Variants in ABHD12 observed in about 807,000 individuals in gnomAD.
ABHD12 encodes the protein abhydrolase domain containing 12, lysophospholipase.
A neutral mutation model predicts 58.3 loss-of-function variants in ABHD12; 43 were observed. The ratio of observed to expected loss-of-function variants is 0.74; its 90% CI spans 0.58 to 0.95. The LOEUF is 0.95. Among genes scored for constraint, ABHD12 ranks in the 40% least tolerant of loss-of-function variants. The pLI is 0.00. For synonymous variants in ABHD12, 219 were observed against 211.2 expected (o/e 1.04, Z -0.32); for missense variants, 539 against 537.2 (o/e 1.00, Z -0.03).
intron 1 of ABHD12, among the ~76,000 whole-genome samples, chr20:25,377,456 G>C (rs1009705945): frequency 6.6e-6 from 1 of 152,176 alleles, no homozygotes; most frequent in Admixed American, 6.5e-5. Context: ...CCAAGGTCAA[G>C]GGGCCATATC....
intron 7 of ABHD12, among the ~76,000 whole-genome samples, chr20:25,309,173 C>T (rs904705204): frequency 1.3e-5 from 2 of 152,150 alleles, no homozygotes; most frequent in Admixed American, 6.5e-5. Context: ...GCTCTGAAGA[C>T]GCTTCTTCCT....
intron 12 of ABHD12, among the ~76,000 whole-genome samples, 167 bp from the exon 13 acceptor site, chr20:25,301,051 AG>A (rs1172943074): frequency 1.3e-5 from 2 of 152,240 alleles, no homozygotes; most frequent in East Asian, 1.9e-4. Context: ...TGAGTTAGGC[AG>A]GGAACAAGCA....
rs752143823 is a variant in ABHD12 at position 25,317,088 on chromosome 20, A to G, written c.543-10T>C. 2.1e-5 allele frequency: 34 copies of G among 1,609,866 alleles called. No individual in the cohort carries two copies. Among genetic ancestry groups the G allele is most frequent in the Non-Finnish European group, 2.9e-5 (34 of 1,176,872 alleles). ...GCGGTGGTCGCCTCCTCTGGAGAAG[A>G]AAACAGGACATGGTGTGAGCACATC... On this transcript the variant is annotated splice_polypyrimidine_tract_variant and intron_variant, in intron 4 of 12. Coordinates refer to ENST00000339157, the MANE Select transcript of ABHD12 (RefSeq NM_001042472.3).
At chr20:25,334,916 C>T (rs1427512122) in intron 2 of ABHD12, among the ~76,000 whole-genome samples, 4 of 151,592 alleles carry the variant, frequency 2.6e-5, no homozygotes, top group Admixed American at 6.6e-5. Context: ...ATGTCTAAAA[C>T]ACCAAAAGCA....
At chr20:25,339,668 C>G (rs150249616) in intron 1 of ABHD12, 116 of 1,386,976 alleles carry the variant, frequency 8.4e-5, no homozygotes, top group Non-Finnish European at 1.0e-4. Flanking sequence ...CCATGCCCCC[C>G]ACCTGACATC....
At chr20:25,382,742 A>G (rs1309509660) in intron 1 of ABHD12, among the ~76,000 whole-genome samples, 2 of 152,184 alleles carry the variant, frequency 1.3e-5, no homozygotes, top group Non-Finnish European at 2.9e-5. Context: ...CAAAGTCACC[A>G]TAGAAGGCGG....
At chr20:25,390,220 G>C in intron 1 of ABHD12, 1 of 295,598 alleles carries the variant, frequency 3.4e-6, no homozygotes, top group Non-Finnish European at 6.2e-6. Flanking sequence ...CGGCTTCCCC[G>C]GGAAAGGGTC....
intron 8 of ABHD12, 152 bp from the exon 9 acceptor site, chr20:25,308,197 G>T: frequency 1.3e-6 from 1 of 749,044 alleles, no homozygotes; most frequent in East Asian, 2.5e-5. Flanking sequence ...AGCACCAGGG[G>T]TGCCCGCCAG....
chr20:25,312,603 C>T (rs1465135959), intron 6 of ABHD12, among the ~76,000 whole-genome samples: 7 of 152,312 alleles, frequency 4.6e-5, no homozygotes, highest in South Asian at 2.1e-4. Context: ...GCCGCCACCC[C>T]GTCTGGGAAG....
At chr20:25,321,956 T>C (rs1249948665) in intron 3 of ABHD12, among the ~76,000 whole-genome samples, 1 of 152,214 alleles carries the variant, frequency 6.6e-6, no homozygotes, top group Non-Finnish European at 1.5e-5. Flanking sequence ...TGTTCTCTCA[T>C]CCACACTGGG....
intron 5 of ABHD12, 92 bp from the exon 6 acceptor site, chr20:25,315,062 T>G: frequency 3.0e-6 from 4 of 1,317,094 alleles, no homozygotes; most frequent in Non-Finnish European, 3.3e-6. Context: ...CAACTTTCTC[T>G]CCTCTGCCTT....
At chr20:25,358,901 G>A (rs1243544271) in intron 1 of ABHD12, among the ~76,000 whole-genome samples, 1 of 151,956 alleles carries the variant, frequency 6.6e-6, no homozygotes. Context: ...AGAATATAGT[G>A]GTTTTACAGC....
chr20:25,356,809 G>T (rs565641633), intron 1 of ABHD12, among the ~76,000 whole-genome samples: 2 of 152,320 alleles, frequency 1.3e-5, no homozygotes, highest in African/African-American at 4.8e-5. Flanking sequence ...GAAATGCTTA[G>T]CGAGGCAGGC....
Position 25,316,157 on chromosome 20 carries a change from TTTCC to T in ABHD12, c.573+887_573+890del, listed in dbSNP as rs2088957593. ...AGCACCTGGAGCACCTGGTTTCTCT[TTTCC>T]TTTTTTTTTGTTTTTTGAGACGGAG... On this transcript the variant is annotated intron_variant, in intron 5 of 12. Coordinates refer to ENST00000339157, the MANE Select transcript of ABHD12 (RefSeq NM_001042472.3). Among the ~76,000 whole-genome samples, 15 of 100,072 alleles carry T rather than the reference TTTCC, an allele frequency of 1.5e-4. No homozygotes were observed. The South Asian group carries it at 4.5e-3, about 30-fold the overall frequency. 65.7% of individuals were successfully genotyped at this position (100,072 alleles called of 152,430 possible).
chr20:25,386,880 CAAAAAATAAAAAT>C (rs966295532), intron 1 of ABHD12, among the ~76,000 whole-genome samples: 12 of 151,508 alleles, frequency 7.9e-5, no homozygotes, highest in Admixed American at 3.3e-4. Context: ...AACCCCGCCT[CAAAAAATAAAAAT>C]AAAAAATAAA....
At chr20:25,296,470 G>T (rs998451520), downstream of ABHD12, 1 of 1,613,834 alleles carries the variant, frequency 6.2e-7, no homozygotes, top group African/African-American at 1.3e-5. Context: ...GAGATCTGGG[G>T]TGTGGAGCCC....
chr20:25,338,910 C>T, intron 2 of ABHD12: 4 of 1,167,494 alleles, frequency 3.4e-6, no homozygotes, highest in Non-Finnish European at 4.3e-6. Flanking sequence ...ATACGCTGGT[C>T]CCCCAGGGCA....
chr20:25,362,832 C>A (rs906002486), intron 1 of ABHD12, among the ~76,000 whole-genome samples: 1 of 151,398 alleles, frequency 6.6e-6, no homozygotes, highest in African/African-American at 2.4e-5. Flanking sequence ...GCACCACCAC[C>A]CCCGGCTAAT....
chr20:25,323,937 A>C (rs2089128841), intron 2 of ABHD12, among the ~76,000 whole-genome samples: 1 of 152,184 alleles, frequency 6.6e-6, no homozygotes, highest in Admixed American at 6.5e-5. Context: ...GGTGGCAAAC[A>C]AGGTAAAGGG....
Sources: allele counts gnomAD v4.1 joint callset (sites outside exome capture counted in the v4.1 genomes callset), GRCh38; gene constraint gnomAD v4.1.1; transcripts MANE v1.5; gene names NCBI Gene and HGNC (gene_info 2026-07-23, HGNC 2026-07-21).